Variants in PCDH7 observed in about 807,000 individuals in gnomAD.
PCDH7 encodes protocadherin 7.
PCDH7 carries 17 observed loss-of-function variants against 58.9 expected under a neutral mutation model. That is an observed-to-expected ratio of 0.29 (90% CI 0.20 to 0.43). The LOEUF (loss-of-function observed/expected upper bound fraction) is 0.43. Among genes scored for constraint, PCDH7 ranks in the 20% least tolerant of loss-of-function variants. The pLI is 1.00. For missense variants in PCDH7, 1,274 were observed against 1,441.0 expected, an observed-to-expected ratio of 0.88 and a Z score of 1.88; for synonymous variants, 664 against 616.4, an observed-to-expected ratio of 1.08 and a Z score of -1.14.
chr4:31,058,262 T>A (rs1757416302), intron 3 of PCDH7, among the ~76,000 whole-genome samples: 1 of 152,088 alleles, frequency 6.6e-6, no homozygotes, highest in Non-Finnish European at 1.5e-5. Context: ...TGATACCCAT[T>A]TTCACTTAAA....
intron 1 of PCDH7, among the ~76,000 whole-genome samples, chr4:30,873,315 A>G (rs1448519164): frequency 3.9e-5 from 6 of 152,084 alleles, no homozygotes; most frequent in Admixed American, 3.3e-4. Flanking sequence ...TTGGTATAAA[A>G]TATTTATGTA....
chr4:30,789,116 G>A (rs970743953), intron 1 of PCDH7, among the ~76,000 whole-genome samples: 4 of 152,082 alleles, frequency 2.6e-5, no homozygotes, highest in African/African-American at 7.2e-5. Context: ...ATAAGTTATC[G>A]TGTTCTGGGA....
chr4:31,135,299 C>A (rs761175400), intron 3 of PCDH7, among the ~76,000 whole-genome samples: 2 of 152,266 alleles, frequency 1.3e-5, no homozygotes, highest in South Asian at 4.1e-4. Flanking sequence ...AATCATTAAT[C>A]GTGAGGTTGA....
At chr4:30,904,717 C>G (rs1321435807) in intron 1 of PCDH7, among the ~76,000 whole-genome samples, 1 of 152,072 alleles carries the variant, frequency 6.6e-6, no homozygotes, top group Non-Finnish European at 1.5e-5. Flanking sequence ...TCCTTATGGT[C>G]ACTGGTAGCT....
At chr4:30,730,859 G>A (rs1715392476) in exon 2 of PCDH7, 6 of 1,513,632 alleles carry the variant, frequency 4.0e-6, no homozygotes, top group Non-Finnish European at 5.3e-6. Flanking sequence ...ACCTGCTGGA[G>A]CCTGCCCTTG....
At chr4:31,035,768 GT>G (rs1040958067) in intron 3 of PCDH7, among the ~76,000 whole-genome samples, 2 of 152,204 alleles carry the variant, frequency 1.3e-5, no homozygotes, top group Non-Finnish European at 2.9e-5. Flanking sequence ...ATGGGAGGCA[GT>G]TCATTATTTT....
At chr4:31,146,627 A>G (rs946686283), downstream of PCDH7, 21 of 152,252 alleles carry the variant, frequency 1.4e-4, no homozygotes, top group African/African-American at 5.1e-4. Flanking sequence ...ATCATCGTTT[A>G]TTATGAGTCA....
intron 3 of PCDH7, among the ~76,000 whole-genome samples, chr4:30,957,328 G>C (rs1050651783): frequency 2.0e-4 from 31 of 152,066 alleles, no homozygotes; most frequent in Non-Finnish European, 1.0e-4. Flanking sequence ...ATTTGACAGG[G>C]GAAAAATGTC....
intron 3 of PCDH7, among the ~76,000 whole-genome samples, chr4:31,008,834 A>T (rs908664721): frequency 6.6e-6 from 1 of 152,126 alleles, no homozygotes. Context: ...GTTCCCCTTA[A>T]GCTAACATAG....
intron 1 of PCDH7, among the ~76,000 whole-genome samples, chr4:30,866,210 T>A (rs999239927): frequency 2.6e-5 from 4 of 152,116 alleles, no homozygotes; most frequent in African/African-American, 9.7e-5. Context: ...ATCAAGAAGC[T>A]TAACTTTATT....
At chr4:30,756,556 C>CA (rs1719338957) in intron 1 of PCDH7, among the ~76,000 whole-genome samples, 1 of 152,172 alleles carries the variant, frequency 6.6e-6, no homozygotes, top group African/African-American at 2.4e-5. Flanking sequence ...GAATACGGTA[C>CA]AACCTCTTCT....
chr4:30,730,207 C>A (rs1715282185), intron 1 of PCDH7, among the ~76,000 whole-genome samples: 2 of 151,782 alleles, frequency 1.3e-5, no homozygotes, highest in African/African-American at 4.8e-5. Flanking sequence ...TAGACTATGG[C>A]AAGGTTTCCC....
intron 3 of PCDH7, among the ~76,000 whole-genome samples, chr4:31,035,177 C>T (rs1410279311): frequency 6.6e-6 from 1 of 151,822 alleles, no homozygotes; most frequent in African/African-American, 2.4e-5. Flanking sequence ...ATGTACTTGT[C>T]CTTAGCTTAT....
At chr4:30,781,782 C>G (rs968067073) in intron 1 of PCDH7, among the ~76,000 whole-genome samples, 2 of 150,994 alleles carry the variant, frequency 1.3e-5, no homozygotes, top group African/African-American at 4.9e-5. Flanking sequence ...GTGATCCGCC[C>G]GCCTCATCCT....
At chr4:30,927,343 C>T (rs976605602) in intron 2 of PCDH7, among the ~76,000 whole-genome samples, 47 of 152,050 alleles carry the variant, frequency 3.1e-4, no homozygotes, top group African/African-American at 1.1e-3. Context: ...GCCACCACCC[C>T]GTCTGGGAGG....
chr4:30,778,030 C>T (rs569370450), intron 1 of PCDH7, among the ~76,000 whole-genome samples: 1 of 152,070 alleles, frequency 6.6e-6, no homozygotes, highest in Non-Finnish European at 1.5e-5. Context: ...GAAACATTGA[C>T]TTTTTCATTG....
intron 3 of PCDH7, among the ~76,000 whole-genome samples, chr4:31,019,080 A>G (rs1753824426): frequency 1.3e-5 from 2 of 152,154 alleles, no homozygotes; most frequent in Admixed American, 1.3e-4. Context: ...TTGACTCAAC[A>G]TTCCATTTTG....
At chr4:30,937,359 T>G (rs1269897420) in intron 2 of PCDH7, among the ~76,000 whole-genome samples, 2 of 152,220 alleles carry the variant, frequency 1.3e-5, no homozygotes, top group Non-Finnish European at 2.9e-5. Context: ...TTTTAAATAA[T>G]AAGATTTTTA....
chr4:30,801,663 A>G (rs1725539145), intron 1 of PCDH7, among the ~76,000 whole-genome samples: 1 of 152,214 alleles, frequency 6.6e-6, no homozygotes, highest in Admixed American at 6.5e-5. Flanking sequence ...TTATCACTTA[A>G]TATTTTAAAC....
Sources: allele counts gnomAD v4.1 joint callset (sites outside exome capture counted in the v4.1 genomes callset), GRCh38; gene constraint gnomAD v4.1.1; transcripts MANE v1.5; gene names NCBI Gene and HGNC (gene_info 2026-07-23, HGNC 2026-07-21).